The following AGMO variants were observed in gnomAD, a reference collection of about 807,000 sequenced individuals.
AGMO encodes the protein glyceryl-ether monooxygenase.
AGMO carries 75 observed loss-of-function variants against 60.2 expected under a neutral mutation model. The ratio of observed to expected loss-of-function variants is 1.25; its 90% CI spans 1.03 to 1.51. AGMO has a LOEUF of 1.51. Among genes scored for constraint, AGMO ranks in the 40% most tolerant of loss-of-function variants. The pLI, the probability that AGMO is intolerant of heterozygous loss-of-function variation, is 0.00. For missense variants in AGMO, 763 were observed against 525.5 expected (o/e 1.45, Z -4.42); for synonymous variants, 261 against 177.1 (o/e 1.47, Z -3.76).
intron 12 of AGMO, among the ~76,000 whole-genome samples, chr7:15,322,979 G>C (rs61353198): frequency 7.0e-6 from 1 of 142,384 alleles, no homozygotes; most frequent in African/African-American, 2.7e-5. Context: ...ATATATATAT[G>C]TATTTATTTT....
chr7:15,335,926 T>C (rs1781644931), intron 12 of AGMO, among the ~76,000 whole-genome samples: 1 of 152,134 alleles, frequency 6.6e-6, no homozygotes, highest in Non-Finnish European at 1.5e-5. Context: ...TTAAAACTAA[T>C]CCAGAGAGAA....
chr7:15,450,143 G>A (rs987807485), intron 3 of AGMO, among the ~76,000 whole-genome samples: 10 of 152,008 alleles, frequency 6.6e-5, no homozygotes, highest in South Asian at 2.1e-4. Context: ...TTTCAGGGCC[G>A]GGCGCGGTGG....
intron 3 of AGMO, among the ~76,000 whole-genome samples, chr7:15,444,349 T>G (rs1389682262): frequency 6.6e-6 from 1 of 152,166 alleles, no homozygotes; most frequent in African/African-American, 2.4e-5. Flanking sequence ...TGGAAATGTT[T>G]GCTTGACCCT....
chr7:15,451,929 C>A (rs1781865672), intron 3 of AGMO, among the ~76,000 whole-genome samples: 1 of 152,120 alleles, frequency 6.6e-6, no homozygotes, highest in Non-Finnish European at 1.5e-5. Flanking sequence ...CAACACTCAG[C>A]AGTGTATGAA....
intron 5 of AGMO, among the ~76,000 whole-genome samples, chr7:15,398,520 C>G (rs545501925): frequency 3.7e-4 from 57 of 152,100 alleles, no homozygotes; most frequent in Non-Finnish European, 7.8e-4. Context: ...GTAAAAAACC[C>G]TTCCAATTCA....
intron 12 of AGMO, among the ~76,000 whole-genome samples, chr7:15,340,038 T>A (rs959114736): frequency 6.6e-6 from 1 of 152,190 alleles, no homozygotes; most frequent in African/African-American, 2.4e-5. Context: ...CTTATCCAAG[T>A]TGCTTGAGAC....
At chr7:15,135,825 T>G in the AGMO span, among the ~76,000 whole-genome samples, 4 of 151,598 alleles carry the variant, frequency 2.6e-5, no homozygotes, top group Non-Finnish European at 5.9e-5. Flanking sequence ...GATGAGGACT[T>G]TTTTTTTCCT....
intron 12 of AGMO, among the ~76,000 whole-genome samples, chr7:15,207,918 T>G (rs1214189743): frequency 6.6e-6 from 1 of 152,018 alleles, no homozygotes. Flanking sequence ...TGGGTGACAG[T>G]GCGAGACTCT....
In AGMO at chr7:15,278,275, G is replaced by A. The variant is rs374353780; in HGVS notation, c.1264-76916C>T. On this transcript the variant is annotated intron_variant, in intron 12 of 12. Coordinates refer to ENST00000342526, the MANE Select transcript of AGMO (RefSeq NM_001004320.2). ...CTTTACCTTTCAGAACATGTGGGTGGGCATTAGCTGAGGTGGTTGTGCCAG... is the reference window on the plus strand; with the variant it reads ...CTTTACCTTTCAGAACATGTGGGTGAGCATTAGCTGAGGTGGTTGTGCCAG... 2.3e-3 allele frequency among the ~76,000 whole-genome samples: 357 copies of A among 152,202 alleles called. 2 individuals carry two copies. The highest frequency in any genetic ancestry group is 8.3e-3 in the African/African-American group (344 of 41,508).
At chr7:15,278,496 G>C (rs1008610474) in intron 12 of AGMO, among the ~76,000 whole-genome samples, 3 of 152,070 alleles carry the variant, frequency 2.0e-5, no homozygotes, top group Non-Finnish European at 4.4e-5. Flanking sequence ...TGCTGGCTGT[G>C]ATAGGGATGG....
At chr7:15,162,865 T>G in the AGMO span, among the ~76,000 whole-genome samples, 1 of 152,104 alleles carries the variant, frequency 6.6e-6, no homozygotes, top group Non-Finnish European at 1.5e-5. Context: ...CCCATATAAA[T>G]TGTAAAAGAT....
chr7:15,500,097 T>C (rs1783339776), intron 3 of AGMO, among the ~76,000 whole-genome samples: 1 of 151,906 alleles, frequency 6.6e-6, no homozygotes, highest in African/African-American at 2.4e-5. Flanking sequence ...CTTACAGTTT[T>C]GGTTTTGGAT....
At chr7:15,373,856 T>C (rs1052923144) in intron 10 of AGMO, among the ~76,000 whole-genome samples, 1 of 152,218 alleles carries the variant, frequency 6.6e-6, no homozygotes, top group Admixed American at 6.5e-5. Flanking sequence ...TGACAAGGTC[T>C]ACAAAAGTTA....
intron 3 of AGMO, among the ~76,000 whole-genome samples, chr7:15,475,365 A>G (rs1782567224): frequency 6.6e-6 from 1 of 152,178 alleles, no homozygotes; most frequent in Non-Finnish European, 1.5e-5. Context: ...GTAGCCACAA[A>G]AAAGGATGAG....
chr7:15,538,741 C>T lies in AGMO; in HGVS notation c.409+6031G>A, dbSNP rs530346624. Among the ~76,000 whole-genome samples the T allele has an allele frequency of 4.6e-5, 7 of 152,208 alleles. No homozygotes were observed. The East Asian group carries it at 1.4e-3, about 29-fold the overall frequency. On this transcript the variant is annotated intron_variant, in intron 3 of 12. Coordinates refer to ENST00000342526, the MANE Select transcript of AGMO (RefSeq NM_001004320.2). ...ACGTCTGTTTATTTTCTTTTTTAAA[C>T]TGTGATTGAAATTAGGATAATCTAA...
At chr7:15,396,636 A>T (rs926096371) in intron 5 of AGMO, 1 of 144,480 alleles carries the variant, frequency 6.9e-6, no homozygotes, top group African/African-American at 2.6e-5. Flanking sequence ...TCCCCCACAC[A>T]TCCTGCTGAT....
chr7:15,554,068 C>G (rs1056129161), intron 2 of AGMO, among the ~76,000 whole-genome samples: 3 of 152,120 alleles, frequency 2.0e-5, no homozygotes, highest in Non-Finnish European at 1.5e-5. Context: ...AAGCAATTCA[C>G]CTAACCAATA....
intron 3 of AGMO, among the ~76,000 whole-genome samples, chr7:15,448,629 T>G (rs889735423): frequency 5.7e-4 from 66 of 114,876 alleles, no homozygotes; most frequent in African/African-American, 2.0e-3. Flanking sequence ...TTTTTTTTTT[T>G]GCCTAGGCCA....
downstream of AGMO, chr7:15,200,205 TA>T (rs1266732116): frequency 7.0e-6 from 1 of 142,812 alleles, no homozygotes; most frequent in African/African-American, 2.6e-5. Context: ...ATTTTTTTTT[TA>T]ACTTTTTCCA....
Sources: gnomAD v4.1 joint callset for allele counts (sites outside exome capture counted in the v4.1 genomes callset) on GRCh38, gnomAD v4.1.1 for gene constraint, MANE v1.5 for transcripts, NCBI Gene and HGNC (gene_info 2026-07-23, HGNC 2026-07-21) for gene names.